The following ZNF469 variants were observed in gnomAD, a reference collection of about 807,000 sequenced individuals.
The protein encoded by ZNF469 is zinc finger protein 469.
ZNF469 carries 1 observed loss-of-function variant against 1.0 expected under a neutral mutation model. The observed-to-expected ratio is 1.00, with a 90% CI of 0.35 to 4.73. The LOEUF is 4.73. Among genes scored for constraint, ZNF469 ranks in the 30% most tolerant of loss-of-function variants. The pLI is 0.16. For synonymous variants in ZNF469, 2,703 were observed against 2,363.4 expected, an observed-to-expected ratio of 1.14 and a Z score of -4.17; for missense variants, 6,100 against 5,356.3, an observed-to-expected ratio of 1.14 and a Z score of -4.33.
At chr16:88,205,265 T>A in the ZNF469 span, among the ~76,000 whole-genome samples, 11 of 152,280 alleles carry the variant, frequency 7.2e-5, no homozygotes, top group Middle Eastern at 3.4e-3. The surrounding 1 kb of genome is among the most constrained non-coding windows in gnomAD (Gnocchi z 4.2). Context: ...AACGTTGGCT[T>A]CGTAGAACCA....
chr16:88,220,536 C>T, the ZNF469 span, among the ~76,000 whole-genome samples: 10 of 152,184 alleles, frequency 6.6e-5, no homozygotes, highest in Non-Finnish European at 1.2e-4. Flanking sequence ...GAACCGGGTG[C>T]TCTCATCCAA....
At chr16:88,243,938 AT>A in the ZNF469 span, among the ~76,000 whole-genome samples, 28 of 109,942 alleles carry the variant, frequency 2.5e-4, 1 homozygote, top group South Asian at 1.6e-3. Flanking sequence ...ATATATATAT[AT>A]ATATATATAT....
At chr16:88,130,938 C>T in the ZNF469 span, among the ~76,000 whole-genome samples, 1 of 152,150 alleles carries the variant, frequency 6.6e-6, no homozygotes, top group African/African-American at 2.4e-5. Context: ...GCGGAAGTGG[C>T]GTCCCGATGA....
At chr16:88,270,092 T>C in the ZNF469 span, among the ~76,000 whole-genome samples, 10 of 152,206 alleles carry the variant, frequency 6.6e-5, no homozygotes, top group Admixed American at 2.0e-4. Context: ...GTAGCTTTTT[T>C]TTCTTGGAGG....
chr16:88,361,174 AG>A, the ZNF469 span, among the ~76,000 whole-genome samples: 1 of 152,138 alleles, frequency 6.6e-6, no homozygotes, highest in Non-Finnish European at 1.5e-5. Flanking sequence ...AGTTCACAAT[AG>A]GGCTCACCCT....
chr16:88,386,756 G>A (rs575437372), intron 1 of ZNF469, among the ~76,000 whole-genome samples: 5 of 152,184 alleles, frequency 3.3e-5, no homozygotes. Flanking sequence ...AGCCAGCCTC[G>A]TTCTCTGATG....
the ZNF469 span, among the ~76,000 whole-genome samples, chr16:88,117,050 G>A: frequency 4.6e-5 from 7 of 152,216 alleles, no homozygotes; most frequent in East Asian, 1.3e-3. Flanking sequence ...CCAGGCTGAT[G>A]GCTTGGCGTG....
chr16:88,305,910 C>T, the ZNF469 span, among the ~76,000 whole-genome samples: 7 of 152,134 alleles, frequency 4.6e-5, no homozygotes, highest in South Asian at 4.2e-4. Context: ...TCATGCACAC[C>T]GATATTCTCA....
chr16:88,262,461 G>T, the ZNF469 span, among the ~76,000 whole-genome samples: 1 of 152,198 alleles, frequency 6.6e-6, no homozygotes, highest in East Asian at 1.9e-4. This position sits in a 1 kb window ranked among gnomAD's most constrained non-coding sequence, Gnocchi z 4.3. Context: ...ATAAGCTACA[G>T]TTTGCAGGTC....
chr16:88,263,424 G>C, the ZNF469 span, among the ~76,000 whole-genome samples: 1 of 152,202 alleles, frequency 6.6e-6, no homozygotes, highest in Non-Finnish European at 1.5e-5. Flanking sequence ...GGCTGCACTT[G>C]TCCTGGGCCG....
At chr16:88,225,125 C>T in the ZNF469 span, among the ~76,000 whole-genome samples, 4 of 152,390 alleles carry the variant, frequency 2.6e-5, no homozygotes, top group South Asian at 8.3e-4. Context: ...ACCCGACCCT[C>T]TCAGCAGTTT....
At chr16:88,318,535 G>C in the ZNF469 span, among the ~76,000 whole-genome samples, 4 of 152,262 alleles carry the variant, frequency 2.6e-5, no homozygotes, top group Non-Finnish European at 4.4e-5. Context: ...GGGAGACGCG[G>C]TGGCCCCTGC....
At chr16:88,266,565 C>T in the ZNF469 span, among the ~76,000 whole-genome samples, 1 of 152,200 alleles carries the variant, frequency 6.6e-6, no homozygotes, top group Admixed American at 6.5e-5. Context: ...GCATACGTGC[C>T]GACCAGGTAA....
chr16:88,349,237 G>C, the ZNF469 span, among the ~76,000 whole-genome samples: 1 of 152,164 alleles, frequency 6.6e-6, no homozygotes, highest in Admixed American at 6.5e-5. Context: ...GACAGACGGA[G>C]GCTTCACAGC....
the ZNF469 span, among the ~76,000 whole-genome samples, chr16:88,221,644 G>T: frequency 6.6e-6 from 1 of 152,232 alleles, no homozygotes; most frequent in Non-Finnish European, 1.5e-5. Flanking sequence ...CCCCCGTCAT[G>T]CATCCCCAGG....
At chr16:88,305,510 TCACA>T in the ZNF469 span, among the ~76,000 whole-genome samples, 4 of 113,208 alleles carry the variant, frequency 3.5e-5, no homozygotes, top group South Asian at 3.0e-4. Context: ...ACGCACACCC[TCACA>T]CACATGCACA....
the ZNF469 span, among the ~76,000 whole-genome samples, chr16:88,195,889 G>A: frequency 2.0e-5 from 3 of 152,306 alleles, no homozygotes; most frequent in South Asian, 6.2e-4. Flanking sequence ...AGGTAGGAGG[G>A]AGCTCCAGAG....
chr16:88,128,549 C>G, the ZNF469 span, among the ~76,000 whole-genome samples: 1 of 152,174 alleles, frequency 6.6e-6, no homozygotes, highest in African/African-American at 2.4e-5. Context: ...GGCCTGAGCT[C>G]CTAAGCAAAG....
At chr16:88,108,552 T>C in the ZNF469 span, among the ~76,000 whole-genome samples, 1 of 151,994 alleles carries the variant, frequency 6.6e-6, no homozygotes, top group African/African-American at 2.4e-5. Flanking sequence ...TCTTTGGGGG[T>C]TGAGTTGCTG....
Sources: allele counts gnomAD v4.1 joint callset (sites outside exome capture counted in the v4.1 genomes callset), GRCh38; gene constraint gnomAD v4.1.1; non-coding constraint Gnocchi (gnomAD v3.1); transcripts MANE v1.5; gene names NCBI Gene and HGNC (gene_info 2026-07-23, HGNC 2026-07-21).